The following NDUFA10 variants were observed in gnomAD, a reference collection of about 807,000 sequenced individuals.
NDUFA10 encodes the protein NADH dehydrogenase [ubiquinone] 1 alpha subcomplex subunit 10, mitochondrial.
A neutral mutation model predicts 47.8 loss-of-function variants in NDUFA10; 40 were observed. The observed-to-expected ratio is 0.84, with a 90% CI of 0.65 to 1.09. The LOEUF is 1.09. Among genes scored for constraint, NDUFA10 ranks in the 50% least tolerant of loss-of-function variants. The pLI is 0.00. For missense variants in NDUFA10, 413 were observed against 451.1 expected, an observed-to-expected ratio of 0.92 and a Z score of 0.76; for synonymous variants, 183 against 172.2, an observed-to-expected ratio of 1.06 and a Z score of -0.49.
At chr2:239,911,507 C>G (rs1005568538) in intron 4 of NDUFA10, among the ~76,000 whole-genome samples, 2 of 152,064 alleles carry the variant, frequency 1.3e-5, no homozygotes, top group Non-Finnish European at 2.9e-5. Flanking sequence ...TCAACATACC[C>G]GGAAAAGGGC....
At chr2:239,963,976 C>G (rs1475292607) in intron 9 of NDUFA10, among the ~76,000 whole-genome samples, 1 of 152,164 alleles carries the variant, frequency 6.6e-6, no homozygotes, top group African/African-American at 2.4e-5. Context: ...GGGAAAAGAC[C>G]ACACTAGCGG....
chr2:239,957,881 C>T lies in NDUFA10; in HGVS notation c.*3237G>A, dbSNP rs1237814534. 6 of 152,232 alleles carry T rather than the reference C, an allele frequency of 3.9e-5. No individual in the cohort carries two copies. Among genetic ancestry groups the T allele is most frequent in the South Asian group, 2.1e-4 (1 of 4,832 alleles). The allele number at this position is 152,232 out of a possible 1,614,324, so 9.4% of individuals were successfully genotyped here. A position where few individuals can be genotyped will look rare whatever the true frequency, so the allele number is the denominator to read the frequency against. Reference sequence around the variant, plus strand: ...CCTCTGCTGAGAAGAGGCTCCTTTTCCCAAGGGAAGCTCGCTGCTTCGAGT... The same window carrying T: ...CCTCTGCTGAGAAGAGGCTCCTTTTTCCAAGGGAAGCTCGCTGCTTCGAGT... On this transcript the variant is annotated 3_prime_UTR_variant, in exon 10 of 10. Transcript: ENST00000252711.
chr2:240,021,016 T>C, intron 3 of NDUFA10, 181 bp downstream of exon 3: 1 of 657,052 alleles, frequency 1.5e-6, no homozygotes, highest in Non-Finnish European at 2.7e-6. Flanking sequence ...GAAACAGCAT[T>C]AAATTAATTC....
intron 4 of NDUFA10, among the ~76,000 whole-genome samples, chr2:239,903,284 C>T (rs545272419): frequency 2.6e-5 from 4 of 152,302 alleles, no homozygotes; most frequent in Admixed American, 1.3e-4. Context: ...GGAATGTGGC[C>T]ACAGAACGTC....
Position 239,940,935 on chromosome 2 carries a change from G to A in NDUFA10, c.295-45621C>T, listed in dbSNP as rs147392708. On this transcript the variant is annotated intron_variant, in intron 4 of 5. Transcript: ENST00000419408. ...GAGTAGAATCCAATAACCTTGAGGA[G>A]TGTCCTCTAGGCAATGCACAGTTTT... 4.3e-3 allele frequency among the ~76,000 whole-genome samples: 656 copies of A among 152,328 alleles called. 2 individuals are homozygous for A. The highest frequency in any genetic ancestry group is 0.014 in the African/African-American group (587 of 41,578).
chr2:239,974,400 T>C (rs1695428015), intron 9 of NDUFA10, among the ~76,000 whole-genome samples: 1 of 152,204 alleles, frequency 6.6e-6, no homozygotes, highest in Non-Finnish European at 1.5e-5. Flanking sequence ...CATAAACCCT[T>C]CTATTCATAT....
At position 239,983,689 on chromosome 2, in the gene NDUFA10, T is replaced by TC. The variant is rs60434742; in HGVS notation, c.999+6384dup. The TC allele has an allele frequency of 2.2e-3, 3,513 of 1,573,982 alleles. 61 individuals are homozygous for TC. The African/African-American group carries it at 0.041, about 19-fold the overall frequency. ...CTGATGCTTCACCTCTGTGGATTCC[T>TC]CCCCAAAACACACAGTCCAATCTAA... On this transcript the variant is annotated intron_variant, in intron 9 of 9. Transcript: ENST00000252711.
At position 239,976,797 on chromosome 2, in the gene NDUFA10, G is replaced by C. The variant is rs573489110; in HGVS notation, c.999+13277C>G. On this transcript the variant is annotated intron_variant, in intron 9 of 9. Transcript: ENST00000252711. ...GAGCCAGAAACTATGAGCTGTGGCA[G>C]AGGCTGAGAGCGCTCAGAGTGGCCC... Among the ~76,000 whole-genome samples, 9 of 152,338 alleles carry C rather than the reference G, an allele frequency of 5.9e-5. No individual in the cohort carries two copies. In the South Asian group the frequency reaches 1.9e-3, roughly 32 times the overall value.
chr2:239,918,052 G>A (rs1454562495), intron 4 of NDUFA10, among the ~76,000 whole-genome samples: 1 of 152,188 alleles, frequency 6.6e-6, no homozygotes, highest in Non-Finnish European at 1.5e-5. Flanking sequence ...GGGCTGTCCA[G>A]GTGGGCCTGC....
At chr2:239,964,073 C>T (rs1042459009) in intron 9 of NDUFA10, among the ~76,000 whole-genome samples, 35 of 152,192 alleles carry the variant, frequency 2.3e-4, no homozygotes, top group African/African-American at 7.5e-4. Flanking sequence ...TATGCCTGCA[C>T]GCCCATGCAT....
intron 4 of NDUFA10, among the ~76,000 whole-genome samples, chr2:239,920,350 A>G (rs1424379534): frequency 6.6e-6 from 1 of 152,172 alleles, no homozygotes; most frequent in African/African-American, 2.4e-5. Flanking sequence ...CCAGACTGAC[A>G]CGTGGATAAG....
downstream of NDUFA10, among the ~76,000 whole-genome samples, chr2:239,954,919 C>T (rs1185389470): frequency 4.5e-4 from 68 of 152,174 alleles, no homozygotes; most frequent in Admixed American, 4.3e-3. Context: ...CGCTGCCCTG[C>T]GACATTCCCT....
At chr2:239,897,842 C>A (rs1432897947) in intron 4 of NDUFA10, among the ~76,000 whole-genome samples, 1 of 152,240 alleles carries the variant, frequency 6.6e-6, no homozygotes, top group African/African-American at 2.4e-5. Flanking sequence ...GCCAGGTTCA[C>A]CCCTCCCTCT....
chr2:239,980,758 G>A (rs950910845), intron 9 of NDUFA10, among the ~76,000 whole-genome samples: 3 of 152,214 alleles, frequency 2.0e-5, no homozygotes, highest in African/African-American at 7.2e-5. Context: ...GAGTGGAAAA[G>A]CCAGAGTGGT....
intron 8 of NDUFA10, among the ~76,000 whole-genome samples, chr2:240,001,648 T>C (rs1165912640): frequency 1.3e-5 from 2 of 152,252 alleles, no homozygotes; most frequent in Non-Finnish European, 2.9e-5. Context: ...CTCAGAAATA[T>C]ACTTTTATTT....
rs1327724841 is a variant in NDUFA10 at position 240,011,668 on chromosome 2, T to C, written c.698A>G (p.Tyr233Cys). ...ATAGGCATTCTCAATGTCCTGTAGA[T>C]AGGCAGAGGTGATCTTCATTTCATG... ...DPHEMKITSA[Y>C]LQDIENAYKK... The change falls in exon 6 of 10, where the codon TAT becomes TGT. Residue 233 changes from tyrosine to cysteine, a missense_variant. By Grantham distance (194) the Tyr-to-Cys change is radical. Coordinates refer to ENST00000252711, the MANE Select transcript of NDUFA10 (RefSeq NM_004544.4). The C allele has an allele frequency of 2.5e-6, 4 of 1,613,462 alleles. No homozygotes were observed. The highest frequency in any genetic ancestry group is 3.4e-6 in the Non-Finnish European group (4 of 1,179,488).
rs547717603 is a variant in NDUFA10, at chr2:239,963,679, G to A, written c.1000-2493C>T. ...GCGGGTTGCCCCATAGAGATGACCCGTGGGCAGTTGGAAACCTGCGTCTGT... is the reference window on the plus strand; with the variant it reads ...GCGGGTTGCCCCATAGAGATGACCCATGGGCAGTTGGAAACCTGCGTCTGT... On this transcript the variant is annotated intron_variant, in intron 9 of 9. Transcript: ENST00000252711. Among the ~76,000 whole-genome samples, 58 of 152,302 alleles carry A rather than the reference G, an allele frequency of 3.8e-4. 2 individuals carry two copies. The South Asian group carries it at 0.01, about 27-fold the overall frequency.
intron 4 of NDUFA10, among the ~76,000 whole-genome samples, chr2:240,015,711 C>T (rs1019544103): frequency 2.0e-5 from 3 of 152,260 alleles, no homozygotes; most frequent in Admixed American, 6.5e-5. Flanking sequence ...CATGCACACC[C>T]GACCTCCCAG....
At chr2:239,898,455 A>G (rs11676967) in intron 4 of NDUFA10, among the ~76,000 whole-genome samples, 24,388 of 152,120 alleles carry the variant, frequency 0.16, 2,091 homozygotes, top group Admixed American at 0.23. Context: ...CCCCCGGCCC[A>G]CAAGTGAATT....
Sources: gnomAD v4.1 joint callset for allele counts (sites outside exome capture counted in the v4.1 genomes callset) on GRCh38, gnomAD v4.1.1 for gene constraint, MANE v1.5 for transcripts, NCBI Gene and HGNC (gene_info 2026-07-23, HGNC 2026-07-21) for gene names.